The following PLD5 variants were observed in gnomAD, a reference collection of about 807,000 sequenced individuals.
PLD5 encodes inactive phospholipase D5.
PLD5 carries 36 observed loss-of-function variants against 61.1 expected under a neutral mutation model. The ratio of observed to expected loss-of-function variants is 0.59; its 90% CI spans 0.45 to 0.78. The LOEUF (loss-of-function observed/expected upper bound fraction) is 0.78, where lower values mean the gene tolerates loss of function less well. PLD5 is among the 30% of genes least tolerant of loss of function. The pLI is 0.00. For missense variants in PLD5, 515 were observed against 644.4 expected (o/e 0.80, Z 2.17); for synonymous variants, 243 against 242.8 (o/e 1.00, Z -0.01).
chr1:242,390,483 T>C (rs1278419722), intron 1 of PLD5, among the ~76,000 whole-genome samples: 17 of 152,228 alleles, frequency 1.1e-4, no homozygotes, highest in Admixed American at 1.1e-3. Flanking sequence ...TAAAAGGATA[T>C]AATGTTAAAA....
chr1:242,220,271 C>G (rs1360652771), intron 4 of PLD5, among the ~76,000 whole-genome samples, 156 bp from the exon 5 acceptor site: 1 of 151,720 alleles, frequency 6.6e-6, no homozygotes, highest in Non-Finnish European at 1.5e-5. Flanking sequence ...AGAAGGTCCC[C>G]AAGGTATTAT....
At chr1:242,397,260 G>A (rs1290854230) in intron 1 of PLD5, among the ~76,000 whole-genome samples, 2 of 151,810 alleles carry the variant, frequency 1.3e-5, no homozygotes, top group Admixed American at 6.6e-5. Flanking sequence ...AACTTTACAT[G>A]ACTCTTCCTC....
chr1:242,243,856 C>A lies in PLD5; in HGVS notation c.607+21481G>T, dbSNP rs1032253928. ...AGCTTCTGCTTTTTAATTGGAAACA[C>A]GGTAATATCAGGTCTTTTCACATTC... On this transcript the variant is annotated intron_variant, in intron 4 of 9. Transcript: ENST00000536534. 9.2e-5 allele frequency among the ~76,000 whole-genome samples: 14 copies of A among 152,280 alleles called. No homozygotes were observed. The South Asian group carries it at 2.5e-3, about 27-fold the overall frequency.
chr1:242,467,232 A>G (rs1667304624), intron 1 of PLD5, among the ~76,000 whole-genome samples: 1 of 152,098 alleles, frequency 6.6e-6, no homozygotes, highest in African/African-American at 2.4e-5. Flanking sequence ...TTATAATAAA[A>G]TTTAATAAAT....
intron 5 of PLD5, among the ~76,000 whole-genome samples, chr1:242,216,135 T>G (rs1670181204): frequency 6.6e-6 from 1 of 152,210 alleles, no homozygotes; most frequent in Admixed American, 6.5e-5. Context: ...TTGCTAATTA[T>G]ACTCATGATT....
Position 242,091,728 on chromosome 1 carries a change from C to T in PLD5, c.1355-1618G>A, listed in dbSNP as rs142995603. Among the ~76,000 whole-genome samples, 238 of 152,220 alleles carry T rather than the reference C, an allele frequency of 1.6e-3. 1 individual carries two copies. Among genetic ancestry groups the T allele is most frequent in the African/African-American group, 5.6e-3 (233 of 41,546 alleles). On this transcript the variant is annotated intron_variant, in intron 9 of 9. Transcript: ENST00000536534. ...GCTTAGCTTTTACATAGATAAGACT[C>T]CTATATAAGAAAAACACACCACATC... is the stretch of plus-strand genomic sequence containing the variant.
chr1:242,199,988 A>G (rs1429773019), intron 5 of PLD5, among the ~76,000 whole-genome samples: 1 of 152,180 alleles, frequency 6.6e-6, no homozygotes, highest in Admixed American at 6.5e-5. Flanking sequence ...TGCCTTAGAG[A>G]TGCAAATTGC....
chr1:242,504,587 C>T (rs1353634079), intron 1 of PLD5, among the ~76,000 whole-genome samples: 4 of 151,736 alleles, frequency 2.6e-5, no homozygotes, highest in African/African-American at 9.7e-5. Context: ...CATTTTTTAA[C>T]TGTGATATCT....
intron 1 of PLD5, among the ~76,000 whole-genome samples, chr1:242,367,512 C>T (rs1285819425): frequency 2.0e-5 from 3 of 152,162 alleles, no homozygotes; most frequent in African/African-American, 7.2e-5. Context: ...AGGGCAATTT[C>T]CTCAGAGAGT....
intron 1 of PLD5, among the ~76,000 whole-genome samples, chr1:242,519,148 T>C (rs985109521): frequency 6.6e-6 from 1 of 152,232 alleles, no homozygotes; most frequent in Admixed American, 6.5e-5. Flanking sequence ...TTCCCTTAGG[T>C]TGAACTCTGT....
chr1:242,133,886 A>G (rs1663498326), intron 5 of PLD5, among the ~76,000 whole-genome samples: 1 of 152,244 alleles, frequency 6.6e-6, no homozygotes, highest in Non-Finnish European at 1.5e-5. Flanking sequence ...GGAAATGCAT[A>G]TCAGTTATTT....
intron 1 of PLD5, among the ~76,000 whole-genome samples, chr1:242,415,511 ATT>A (rs397860268): frequency 0.028 from 3,658 of 129,794 alleles, 115 homozygotes; most frequent in African/African-American, 0.095. Context: ...AGCCATAAAG[ATT>A]TTTTTTTTTT....
intron 2 of PLD5, among the ~76,000 whole-genome samples, chr1:242,295,452 T>C (rs1209509072): frequency 3.3e-5 from 5 of 152,178 alleles, no homozygotes; most frequent in African/African-American, 4.8e-5. Context: ...TGTATCCACA[T>C]TGGTGCAAAG....
chr1:242,432,465 G>T (rs1163250809), intron 1 of PLD5, among the ~76,000 whole-genome samples: 1 of 152,210 alleles, frequency 6.6e-6, no homozygotes, highest in African/African-American at 2.4e-5. Context: ...TCACACCTCT[G>T]TGTGGTCTCT....
At position 242,091,819 on chromosome 1, in the gene PLD5, C is replaced by CT. The variant is rs1162727942; in HGVS notation, c.1355-1710dup. Among the ~76,000 whole-genome samples, 14 of 109,758 alleles carry CT rather than the reference C, an allele frequency of 1.3e-4. 1 individual carries two copies. In the Admixed American group the frequency reaches 1.3e-3, roughly 10 times the overall value. The allele number at this position is 109,758 out of a possible 152,430, so 72.0% of individuals were successfully genotyped here. A position where few individuals can be genotyped will look rare whatever the true frequency, so the allele number is the denominator to read the frequency against. ...GTAGCTTTATTCTTCTTTTTCTTTT[C>CT]TTTTCTTTTTTTCTTTTTTTTTTTT... On this transcript the variant is annotated intron_variant, in intron 9 of 9. Transcript: ENST00000536534.
intron 5 of PLD5, among the ~76,000 whole-genome samples, chr1:242,143,898 G>A (rs1664356004): frequency 6.6e-6 from 1 of 150,894 alleles, no homozygotes; most frequent in South Asian, 2.1e-4. Flanking sequence ...CTGGAATGCA[G>A]TGGCACGATC....
At chr1:242,478,320 G>A (rs1405386754) in intron 1 of PLD5, among the ~76,000 whole-genome samples, 2 of 152,098 alleles carry the variant, frequency 1.3e-5, no homozygotes, top group Non-Finnish European at 2.9e-5. Flanking sequence ...CTCTTACTTG[G>A]AGAGCAGCAT....
chr1:242,429,832 T>C (rs2580230), intron 1 of PLD5, among the ~76,000 whole-genome samples: 39,848 of 152,076 alleles, frequency 0.26, 5,539 homozygotes, highest in Admixed American at 0.31. Context: ...TTCAAGCAAA[T>C]AAAATTTATA....
chr1:242,450,331 C>T (rs1666730408), intron 1 of PLD5, among the ~76,000 whole-genome samples: 1 of 152,184 alleles, frequency 6.6e-6, no homozygotes, highest in African/African-American at 2.4e-5. Flanking sequence ...AGGGCAGGTG[C>T]CATGCTTCTT....
Sources: allele counts gnomAD v4.1 joint callset (sites outside exome capture counted in the v4.1 genomes callset), GRCh38; gene constraint gnomAD v4.1.1; transcripts MANE v1.5; gene names NCBI Gene and HGNC (gene_info 2026-07-23, HGNC 2026-07-21).